RBM23: variants seen among roughly 807,000 people sequenced by gnomAD.
RBM23 encodes RNA binding motif protein 23, also known as probable RNA-binding protein 23.
Under a neutral mutation model 56.2 loss-of-function variants are expected in RBM23, and 53 were observed. The ratio of observed to expected loss-of-function variants is 0.94; its 90% confidence interval spans 0.76 to 1.19. The LOEUF is 1.19. RBM23 is among the 50% of genes most tolerant of loss of function. RBM23 has a pLI of 0.00. For synonymous variants in RBM23, 197 were observed against 198.5 expected, an observed-to-expected ratio of 0.99 and a Z score of 0.06; for missense variants, 642 against 590.3, an observed-to-expected ratio of 1.09 and a Z score of -0.91.
chr14:22,903,925 T>C, intron 10 of RBM23: 1 of 1,240,222 alleles, frequency 8.1e-7, no homozygotes. Context: ...CTATAAAGCA[T>C]GTCTTTAAAA....
Position 22,893,393 on chromosome 14 carries a change from C to T in RBM23, c.*8337G>A, listed in dbSNP as rs180923667. Reference sequence around the variant, plus strand: ...ATGGGGAAAACAAATACAAATAAGACACAATTTCTGCCCGTCAAATAGCTT... The same window carrying T: ...ATGGGGAAAACAAATACAAATAAGATACAATTTCTGCCCGTCAAATAGCTT... On this transcript the variant is annotated 3_prime_UTR_variant, in exon 14 of 14. Transcript: ENST00000359890. 1 of 152,300 alleles carries T rather than the reference C, an allele frequency of 6.6e-6. No homozygotes were observed. The highest frequency in any genetic ancestry group is 6.5e-5 in the Admixed American group (1 of 15,294). The allele number at this position is 152,300 out of a possible 1,614,324, so 9.4% of individuals were successfully genotyped here.
At chr14:22,918,030 CAA>C (rs780630907) in intron 1 of RBM23, among the ~76,000 whole-genome samples, 1 of 152,126 alleles carries the variant, frequency 6.6e-6, no homozygotes. Flanking sequence ...GGCAGCTTAA[CAA>C]AAGAGGAACA....
Position 22,901,998 on chromosome 14 carries a change from T to C in RBM23, c.1228A>G (p.Asn410Asp). 4 of 1,612,018 alleles carry C rather than the reference T, an allele frequency of 2.5e-6. No homozygotes were observed. Among genetic ancestry groups the C allele is most frequent in the Non-Finnish European group, 3.4e-6 (4 of 1,178,544 alleles). ...LNGAVPLGAL[N>D]PAALTALSPA... ...AGACTACCAGTCAGAGCTGCTGGAT[T>C]CAGGGCCCCCAAGGGAACTGCTCCA... Residue 410 changes from asparagine to aspartate, a missense_variant, in exon 12 of 14, where the codon AAT (asparagine) becomes GAT (aspartate). Asn to Asp is a conservative substitution (Grantham distance 23). Transcript: ENST00000359890.
At chr14:22,918,725 C>T (rs1256465623) in intron 1 of RBM23, among the ~76,000 whole-genome samples, 2 of 152,092 alleles carry the variant, frequency 1.3e-5, no homozygotes, top group African/African-American at 4.8e-5. Flanking sequence ...GCTGCAGAGA[C>T]CCGGAAAGAA....
chr14:22,906,394 T>C (rs530189042), intron 4 of RBM23, 26 bp from the exon 5 acceptor site: 1 of 1,610,538 alleles, frequency 6.2e-7, no homozygotes, highest in Non-Finnish European at 8.5e-7. Flanking sequence ...ACTACAGTCA[T>C]GCCCACATCA....
At chr14:22,914,572 T>C (rs769372963) in intron 1 of RBM23, among the ~76,000 whole-genome samples, 3 of 152,118 alleles carry the variant, frequency 2.0e-5, no homozygotes, top group Non-Finnish European at 4.4e-5. Flanking sequence ...GTGTACACTT[T>C]AATGTATACA....
chr14:22,908,480 C>T lies in RBM23; in HGVS notation c.180-100G>A, dbSNP rs556059242. 1.4e-4 allele frequency: 193 copies of T among 1,359,422 alleles called. 3 individuals are homozygous for T. In the African/African-American group the frequency reaches 2.5e-3, roughly 18 times the overall value. 84.2% of individuals were successfully genotyped at this position (1,359,422 alleles called of 1,614,324 possible). A position where few individuals can be genotyped will look rare whatever the true frequency, so the allele number is the denominator to read the frequency against. On this transcript the variant is annotated intron_variant, in intron 3 of 13. Transcript: ENST00000359890. ...CAATCTTGGCTCACTGCAACCTCCG[C>T]CTTCCAGGTTCAAGCGATCCTCATG...
intron 1 of RBM23, among the ~76,000 whole-genome samples, chr14:22,916,440 C>CTT (rs11382593): frequency 9.4e-4 from 134 of 142,198 alleles, no homozygotes; most frequent in African/African-American, 1.2e-3. Flanking sequence ...ATATTTTGGG[C>CTT]TTTTTTTTTT....
chr14:22,905,008 T>C lies in RBM23; in HGVS notation c.731A>G (p.Glu244Gly), dbSNP rs746070009. Residue 244 changes from glutamate (E) to glycine (G), a missense_variant, in exon 9 of 14, where the codon GAG becomes GGG. Glu to Gly is a moderately conservative substitution (Grantham distance 98, BLOSUM62 -2). Coordinates refer to ENST00000359890, the MANE Select transcript of RBM23 (RefSeq NM_001077351.2). The part of the protein sequence containing the change: ...VPIIVQASQA[E>G]KNRLAAMANN... ...GGCCATGGCTGCCAGTCGGTTTTTC[T>C]CTGCCTGGGGAAGGAGGAAATGATG... 1.2e-6 allele frequency: 2 copies of C among 1,614,210 alleles called. No homozygotes were observed. Among genetic ancestry groups the C allele is most frequent in the Non-Finnish European group, 1.7e-6 (2 of 1,180,042 alleles).
rs2040330037 is a variant in RBM23 at position 22,900,181 on chromosome 14, CAGG to C, written c.*1546_*1548del. Reference sequence around the variant, plus strand: ...AGAGGAACAACAGTAGACATCAGGTCAGGAGAACCCTGCTGTTATACAAGACCC... The same window carrying C: ...AGAGGAACAACAGTAGACATCAGGTCAGAACCCTGCTGTTATACAAGACCC... On this transcript the variant is annotated 3_prime_UTR_variant, in exon 14 of 14. Transcript: ENST00000359890. 1 of 152,138 alleles carries C rather than the reference CAGG, an allele frequency of 6.6e-6. No homozygotes were observed. The highest frequency in any genetic ancestry group is 1.5e-5 in the Non-Finnish European group (1 of 68,044). 9.4% of individuals were successfully genotyped at this position (152,138 alleles called of 1,614,324 possible). A position where few individuals can be genotyped will look rare whatever the true frequency, so the allele number is the denominator to read the frequency against.
In RBM23 at chr14:22,904,932, G is replaced by A. The variant is rs375422567; in HGVS notation, c.807C>T (p.Ser269=). ...NGGPMRLYVG[S]LHFNITEDML... is the part of the protein sequence containing the mutation. ...TGTCTTCAGTGATATTGAAGTGCAG[G>A]GAACCCACATAGAGGCGCATTGGTC... is the stretch of plus-strand genomic sequence containing the variant. The change falls in exon 9 of 14, where the codon TCC becomes TCT. Residue 269 remains serine, a synonymous_variant. Coordinates refer to ENST00000359890, the MANE Select transcript of RBM23 (RefSeq NM_001077351.2). The A allele has an allele frequency of 9.2e-5, 148 of 1,614,064 alleles. No homozygotes were observed. The highest frequency in any genetic ancestry group is 1.2e-4 in the Non-Finnish European group (139 of 1,180,036).
At chr14:22,910,498 G>T (rs73590531) in intron 2 of RBM23, among the ~76,000 whole-genome samples, 5 of 150,126 alleles carry the variant, frequency 3.3e-5, no homozygotes, top group African/African-American at 1.2e-4. Flanking sequence ...GAAAGCGGTG[G>T]GGGGGAAAGG....
chr14:22,911,372 T>C lies in RBM23; in HGVS notation c.22A>G (p.Ile8Val), dbSNP rs1163899412. ...GCTTCCAGCATGGCCTCAATCACTA[T>C]GTCAAAGTCATCAGATGCCATCCTG... MASDDFD[I>V]VIEAMLEAPY... The change falls in exon 2 of 14, where the codon ATA becomes GTA. Residue 8 changes from isoleucine (I) to valine (V), a missense_variant. Coordinates refer to ENST00000359890, the MANE Select transcript of RBM23 (RefSeq NM_001077351.2). 2 of 1,613,762 alleles carry C rather than the reference T, an allele frequency of 1.2e-6. No individual in the cohort carries two copies. The highest frequency in any genetic ancestry group is 1.7e-6 in the Non-Finnish European group (2 of 1,179,728).
intron 1 of RBM23, among the ~76,000 whole-genome samples, chr14:22,913,025 A>G (rs957240715): frequency 1.8e-4 from 25 of 138,282 alleles, no homozygotes; most frequent in African/African-American, 3.8e-4. Context: ...AAAAAAAAAA[A>G]GCAAACTAAT....
rs1287763127 is a variant in RBM23, at chr14:22,897,922, C to T, written c.*3808G>A. On this transcript the variant is annotated 3_prime_UTR_variant, in exon 14 of 14. Coordinates refer to ENST00000359890, the MANE Select transcript of RBM23 (RefSeq NM_001077351.2). ...GAGGATTGTTGTGAGGATTTTGTGA[C>T]TTAATACACGATTAGAACACCTAAC... The T allele has an allele frequency of 1.3e-5, 2 of 152,208 alleles. No homozygotes were observed. Among genetic ancestry groups the T allele is most frequent in the Non-Finnish European group, 2.9e-5 (2 of 68,026 alleles). 9.4% of individuals were successfully genotyped at this position (152,208 alleles called of 1,614,324 possible).
intron 2 of RBM23, 55 bp downstream of exon 2, chr14:22,911,273 C>T (rs1670095301): frequency 2.2e-6 from 3 of 1,391,724 alleles, no homozygotes; most frequent in South Asian, 1.2e-5. Context: ...AAGTGATGAT[C>T]GACAACTACT....
rs2040226502 is a variant in RBM23 at position 22,895,075 on chromosome 14, T to A, written c.*6655A>T. The A allele has an allele frequency of 6.8e-6, 1 of 147,812 alleles. No individual in the cohort carries two copies. 9.2% of individuals were successfully genotyped at this position (147,812 alleles called of 1,614,324 possible). On this transcript the variant is annotated 3_prime_UTR_variant, in exon 14 of 14. Coordinates refer to ENST00000359890, the MANE Select transcript of RBM23 (RefSeq NM_001077351.2). The stretch of plus-strand genomic sequence containing the variant: ...AATTAATTAATTAAAAATAAATAAA[T>A]AAGGCCCAGTGCAGTGGCTCAGGAC...
rs1157593084 is a variant in RBM23 at position 22,897,594 on chromosome 14, AC to A, written c.*4135del. The A allele has an allele frequency of 6.6e-6, 1 of 152,242 alleles. No homozygotes were observed. Among genetic ancestry groups the A allele is most frequent in the Non-Finnish European group, 1.5e-5 (1 of 68,080 alleles). 9.4% of individuals were successfully genotyped at this position (152,242 alleles called of 1,614,324 possible). A position where few individuals can be genotyped will look rare whatever the true frequency, so the allele number is the denominator to read the frequency against. On this transcript the variant is annotated 3_prime_UTR_variant, in exon 14 of 14. Coordinates refer to ENST00000359890, the MANE Select transcript of RBM23 (RefSeq NM_001077351.2). Reference sequence around the variant, plus strand: ...CCAGGGCCCTTGTAGCAGAAAGAGCACCTTCAAGGTTCACCCACAAACACTG... The same window carrying A: ...CCAGGGCCCTTGTAGCAGAAAGAGCACTTCAAGGTTCACCCACAAACACTG...
chr14:22,905,288 G>T, intron 7 of RBM23, 42 bp from the exon 8 acceptor site: 1 of 1,613,918 alleles, frequency 6.2e-7, no homozygotes, highest in Non-Finnish European at 8.5e-7. Flanking sequence ...GGCATAAAGG[G>T]AGATACAAGC....
Sources: allele counts gnomAD v4.1 joint callset (sites outside exome capture counted in the v4.1 genomes callset), GRCh38; gene constraint gnomAD v4.1.1; transcripts MANE v1.5; gene names NCBI Gene and HGNC (gene_info 2026-07-23, HGNC 2026-07-21).